Variants in AP5Z1 observed in about 807,000 individuals in gnomAD.
AP5Z1 encodes adaptor related protein complex 5 subunit zeta 1.
Under a neutral mutation model 83.0 loss-of-function variants are expected in AP5Z1, and 106 were observed. The observed-to-expected ratio is 1.28, with a 90% CI of 1.09 to 1.50. The LOEUF (loss-of-function observed/expected upper bound fraction) is 1.50, where lower values mean the gene tolerates loss of function less well. AP5Z1 is among the 40% of genes most tolerant of loss of function. The probability of loss-of-function intolerance (pLI) is 0.00; values close to 1 mark genes in which losing one functional copy is unlikely to be tolerated. For synonymous variants in AP5Z1, 751 were observed against 514.1 expected (o/e 1.46, Z -6.23); for missense variants, 1,565 against 1,094.2 (o/e 1.43, Z -6.07).
chr7:4,788,545 G>C, intron 12 of AP5Z1: 1 of 529,242 alleles, frequency 1.9e-6, no homozygotes, highest in Non-Finnish European at 3.2e-6. Flanking sequence ...CCCTGTGGGT[G>C]CTCCATTTTG....
In AP5Z1 at chr7:4,784,340, C is replaced by T. The variant is rs17135121; in HGVS notation, c.759C>T (p.Ser253=). Residue 253 remains serine (S), a synonymous_variant, in exon 6 of 17, where the codon AGC becomes AGT. Coordinates refer to ENST00000649063, the MANE Select transcript of AP5Z1 (RefSeq NM_014855.3). Reference sequence around the variant, plus strand: ...TGCTGCGGGCGTGGCTGCTGCACAGCGGCCCCGAGGGCCCGGGCACCCTGG... The same window carrying T: ...TGCTGCGGGCGTGGCTGCTGCACAGTGGCCCCGAGGGCCCGGGCACCCTGG... ...FSMLRAWLLH[S]GPEGPGTLDT... 0.13 allele frequency: 202,073 copies of T among 1,589,634 alleles called. 20,078 individuals are homozygous for T. Among genetic ancestry groups the T allele is most frequent in the African/African-American group, 0.52 (39,067 of 74,524 alleles).
intron 1 of AP5Z1, among the ~76,000 whole-genome samples, chr7:4,776,779 A>G (rs894286653): frequency 3.3e-5 from 5 of 151,992 alleles, no homozygotes; most frequent in African/African-American, 9.7e-5. Context: ...CCAGCACTAC[A>G]GCCCCTTGGT....
intron 5 of AP5Z1, 94 bp from the exon 6 acceptor site, chr7:4,784,109 G>C: frequency 2.1e-6 from 3 of 1,417,350 alleles, no homozygotes; most frequent in South Asian, 1.4e-5. Context: ...TGTTCAGGCA[G>C]CTTCTCCTCC....
chr7:4,782,687 A>C (rs1216433471), intron 3 of AP5Z1, among the ~76,000 whole-genome samples: 1 of 151,892 alleles, frequency 6.6e-6, no homozygotes, highest in Admixed American at 6.6e-5. Flanking sequence ...CAGGCCTCCG[A>C]GATGACCCCG....
In AP5Z1 at chr7:4,790,611, C is replaced by T. The variant is rs1392307731; in HGVS notation, c.1938+20C>T. 15 of 1,612,316 alleles carry T rather than the reference C, an allele frequency of 9.3e-6. No individual in the cohort carries two copies. Among genetic ancestry groups the T allele is most frequent in the Non-Finnish European group, 1.3e-5 (15 of 1,179,522 alleles). On this transcript the variant is annotated intron_variant, in intron 15 of 16. Transcript: ENST00000649063. ...AGCGTGGTAAGGCGGGCGCTGGCCT[C>T]CCACAGCCGCTCCTGACCCAGGAGG...
chr7:4,775,862 C>G (rs372224635), intron 1 of AP5Z1, 106 bp downstream of exon 1: 4 of 1,460,250 alleles, frequency 2.7e-6, no homozygotes, highest in African/African-American at 1.4e-5. Flanking sequence ...TTGCAGGAAC[C>G]CGACTGGACT....
chr7:4,787,564 G>C (rs542144004), intron 10 of AP5Z1, 70 bp from the exon 11 acceptor site: 2 of 1,511,462 alleles, frequency 1.3e-6, no homozygotes, highest in Non-Finnish European at 1.8e-6. Flanking sequence ...TGGGGCCCTA[G>C]CTGGCTCCTC....
At chr7:4,790,413 G>A in intron 14 of AP5Z1, 46 bp from the exon 15 acceptor site, 2 of 1,612,194 alleles carry the variant, frequency 1.2e-6, no homozygotes, top group Non-Finnish European at 1.7e-6. Flanking sequence ...TGGGGATGGG[G>A]TCATAGGTCT....
chr7:4,787,890 C>CCA, intron 11 of AP5Z1, 114 bp downstream of exon 11: 1 of 1,323,864 alleles, frequency 7.6e-7, no homozygotes, highest in Non-Finnish European at 1.0e-6. Flanking sequence ...TCTTCCCCCC[C>CCA]CAACACCTGA....
At chr7:4,786,113 C>T in intron 9 of AP5Z1, 137 bp from the exon 10 acceptor site, 3 of 842,732 alleles carry the variant, frequency 3.6e-6, no homozygotes, top group Non-Finnish European at 5.2e-6. Flanking sequence ...GCCGCTTCCC[C>T]AGCGTCCCAG....
intron 11 of AP5Z1, 27 bp from the exon 12 acceptor site, chr7:4,788,127 C>G: frequency 1.3e-6 from 2 of 1,503,052 alleles, no homozygotes; most frequent in Non-Finnish European, 1.8e-6. Context: ...CGCATCCCAG[C>G]CTGGCCTTGG....
chr7:4,784,768 C>T (rs373060075), intron 6 of AP5Z1, 140 bp from the exon 7 acceptor site: 20 of 1,189,606 alleles, frequency 1.7e-5, no homozygotes, highest in Admixed American at 6.0e-5. Context: ...GGTGGGTGGA[C>T]GTCCTGAGAC....
rs1359237173 is a variant in AP5Z1, at chr7:4,790,841, A to T, written c.2107A>T (p.Thr703Ser). Residue 703 changes from threonine to serine, a missense_variant, in exon 16 of 17, where the codon ACC (threonine) becomes TCC (serine). Coordinates refer to ENST00000649063, the MANE Select transcript of AP5Z1 (RefSeq NM_014855.3). Reference sequence around the variant, plus strand: ...CCCCCAGGTGGTCACCGTGCTGATGACCACGCTGACGAAGCTGGCCTCCCG... The same window carrying T: ...CCCCCAGGTGGTCACCGTGCTGATGTCCACGCTGACGAAGCTGGCCTCCCG... ...CPPQVVTVLM[T>S]TLTKLASRSQ... is the part of the protein sequence containing the mutation. 6.2e-7 allele frequency: 1 copy of T among 1,608,838 alleles called. No homozygotes were observed. Among genetic ancestry groups the T allele is most frequent in the East Asian group, 2.2e-5 (1 of 44,762 alleles).
Position 4,787,782 on chromosome 7 carries a change from C to A in AP5Z1, c.1454+6C>A. On this transcript the variant is annotated splice_donor_region_variant and intron_variant, in intron 11 of 16. Coordinates refer to ENST00000649063, the MANE Select transcript of AP5Z1 (RefSeq NM_014855.3). ...GTGCTGGACCTGCAGCTCAGGTGGG[C>A]CCCTCACCCTCTGCCAGCGCTGCGT... is the stretch of plus-strand genomic sequence containing the variant. The A allele has an allele frequency of 6.6e-7, 1 of 1,526,468 alleles. No homozygotes were observed. Among genetic ancestry groups the A allele is most frequent in the Non-Finnish European group, 8.8e-7 (1 of 1,138,690 alleles). 94.6% of individuals were successfully genotyped at this position (1,526,468 alleles called of 1,614,324 possible).
intron 1 of AP5Z1, among the ~76,000 whole-genome samples, chr7:4,780,141 A>G (rs1325240116): frequency 6.6e-6 from 1 of 152,112 alleles, no homozygotes; most frequent in Non-Finnish European, 1.5e-5. Context: ...CCCTTTGCGC[A>G]TTATTGGTTC....
chr7:4,789,731 A>G (rs1212693212), intron 13 of AP5Z1, 101 bp from the exon 14 acceptor site: 17 of 823,746 alleles, frequency 2.1e-5, no homozygotes, highest in Non-Finnish European at 3.2e-5. Flanking sequence ...AGGAGTCTCC[A>G]GCCCCTCACC....
chr7:4,788,396 C>G, intron 12 of AP5Z1, 102 bp downstream of exon 12: 1 of 1,361,072 alleles, frequency 7.3e-7, no homozygotes, highest in Non-Finnish European at 9.8e-7. Context: ...GGCCAGGGTG[C>G]TTTGTGTCCC....
rs907157849 is a variant in AP5Z1 at position 4,791,602 on chromosome 7, C to A, written c.*217C>A. ...CCTTTTGCTCCCAGGCAACACTGAGCTGAGCTGAGGGGTGCCATGGAGCGG... is the reference window on the plus strand; with the variant it reads ...CCTTTTGCTCCCAGGCAACACTGAGATGAGCTGAGGGGTGCCATGGAGCGG... On this transcript the variant is annotated 3_prime_UTR_variant, in exon 17 of 17. Transcript: ENST00000649063. 5.8e-6 allele frequency: 4 copies of A among 690,358 alleles called. No homozygotes were observed. The African/African-American group carries it at 7.2e-5, about 12-fold the overall frequency. The allele number at this position is 690,358 out of a possible 1,614,324, so 42.8% of individuals were successfully genotyped here.
At chr7:4,786,155 G>C (rs970135452) in intron 9 of AP5Z1, 95 bp from the exon 10 acceptor site, 2 of 1,332,252 alleles carry the variant, frequency 1.5e-6, no homozygotes, top group East Asian at 2.5e-5. Flanking sequence ...TGGTGTCCTG[G>C]AGAGCAGGCC....
Sources: allele counts gnomAD v4.1 joint callset (sites outside exome capture counted in the v4.1 genomes callset), GRCh38; gene constraint gnomAD v4.1.1; transcripts MANE v1.5; gene names NCBI Gene and HGNC (gene_info 2026-07-23, HGNC 2026-07-21).